Variants in METAP2 observed in about 807,000 individuals in gnomAD.
METAP2 encodes methionine aminopeptidase 2.
In METAP2, 25 loss-of-function variants were observed where a neutral mutation model predicts 59.4. That is an observed-to-expected ratio of 0.42 (90% CI 0.31 to 0.59). The LOEUF (loss-of-function observed/expected upper bound fraction) is 0.59, where lower values mean the gene tolerates loss of function less well. Among genes scored for constraint, METAP2 ranks in the 20% least tolerant of loss-of-function variants. The pLI is 0.16. For synonymous variants in METAP2, 214 were observed against 194.1 expected (o/e 1.10, Z -0.85); for missense variants, 366 against 581.2 (o/e 0.63, Z 3.81).
At position 95,512,435 on chromosome 12, in the gene METAP2, G is replaced by C. The variant is rs112186691; in HGVS notation, c.1069-366G>C. On this transcript the variant is annotated intron_variant, in intron 9 of 10. Transcript: ENST00000323666. Reference sequence around the variant, plus strand: ...GAGATGGTAATTGTAGGCCAGGCTCGGTAGCTCAGGCCTGTTAATCCCAGC... The same window carrying C: ...GAGATGGTAATTGTAGGCCAGGCTCCGTAGCTCAGGCCTGTTAATCCCAGC... 5.9e-4 allele frequency among the ~76,000 whole-genome samples: 90 copies of C among 152,224 alleles called. 2 individuals are homozygous for C. The East Asian group carries it at 0.015, about 26-fold the overall frequency.
chr12:95,508,042 A>G (rs1166921679), intron 8 of METAP2, among the ~76,000 whole-genome samples: 3 of 151,300 alleles, frequency 2.0e-5, no homozygotes, highest in African/African-American at 4.9e-5. Flanking sequence ...TCGGCCTCCC[A>G]AAGTCTGGGA....
In METAP2 at chr12:95,511,634, C is replaced by T. The variant is rs537725366; in HGVS notation, c.965-261C>T. Among the ~76,000 whole-genome samples, 40 of 152,198 alleles carry T rather than the reference C, an allele frequency of 2.6e-4. 1 individual carries two copies. The highest frequency in any genetic ancestry group is 2.8e-4 in the Non-Finnish European group (19 of 68,000). On this transcript the variant is annotated intron_variant, in intron 8 of 10. Coordinates refer to ENST00000323666, the MANE Select transcript of METAP2 (RefSeq NM_006838.4). ...CTCGAACTCCTGACCTCAGGTGATC[C>T]GCTTGCCTCGGCCTCCCAGAGTGCT...
Position 95,512,067 on chromosome 12 carries a change from G to A in METAP2, c.1068+69G>A, listed in dbSNP as rs1436762636. On this transcript the variant is annotated intron_variant, in intron 9 of 10. Transcript: ENST00000323666. Reference sequence around the variant, plus strand: ...TTCTTCCAAGCAGAAGGTCATGGTAGTTAAATATATGGTTATACTGACCAG... The same window carrying A: ...TTCTTCCAAGCAGAAGGTCATGGTAATTAAATATATGGTTATACTGACCAG... The A allele has an allele frequency of 7.3e-6, 8 of 1,099,330 alleles. No individual in the cohort carries two copies. In the East Asian group the frequency reaches 1.7e-4, roughly 24 times the overall value. 68.1% of individuals were successfully genotyped at this position (1,099,330 alleles called of 1,614,324 possible).
At chr12:95,481,210 C>T (rs766389152) in intron 2 of METAP2, among the ~76,000 whole-genome samples, 17 of 152,088 alleles carry the variant, frequency 1.1e-4, no homozygotes, top group Non-Finnish European at 1.3e-4. Flanking sequence ...AGATGCGATT[C>T]GAGACCAGTC....
chr12:95,512,162 G>A (rs572231782), intron 9 of METAP2, among the ~76,000 whole-genome samples, 164 bp downstream of exon 9: 52 of 152,168 alleles, frequency 3.4e-4, no homozygotes, highest in Non-Finnish European at 6.2e-4. Flanking sequence ...ATTGTGTATA[G>A]TCAGCACTAA....
intron 7 of METAP2, among the ~76,000 whole-genome samples, chr12:95,503,127 G>A (rs1004453445): frequency 6.6e-6 from 1 of 151,746 alleles, no homozygotes; most frequent in Non-Finnish European, 1.5e-5. Context: ...TATGCCTTGT[G>A]ACTTTATGTT....
chr12:95,483,916 TTTA>T (rs995441072), intron 3 of METAP2, among the ~76,000 whole-genome samples: 1 of 152,196 alleles, frequency 6.6e-6, no homozygotes, highest in Non-Finnish European at 1.5e-5. Flanking sequence ...ATGGTGAGAC[TTTA>T]TTATTAATAA....
intron 2 of METAP2, among the ~76,000 whole-genome samples, chr12:95,480,288 A>G (rs115571337): frequency 0.016 from 2,438 of 152,270 alleles, 63 homozygotes; most frequent in African/African-American, 0.056. Flanking sequence ...ATTGAACAAT[A>G]TTTGGGGTGT....
intron 4 of METAP2, 113 bp downstream of exon 4, chr12:95,486,094 A>G (rs2076194521): frequency 1.4e-6 from 1 of 738,382 alleles, no homozygotes. Context: ...ATGCTTATAA[A>G]TTTGTCATAA....
chr12:95,488,511 C>CAAAA lies in METAP2; in HGVS notation c.428+2555_428+2558dup, dbSNP rs537119415. ...GTGACAGAGCGAGACTTTGTCTCAC[C>CAAAA]AAAAAAAAAAAAAAAAAAAAAAAAA... On this transcript the variant is annotated intron_variant, in intron 4 of 10. Coordinates refer to ENST00000323666, the MANE Select transcript of METAP2 (RefSeq NM_006838.4). Among the ~76,000 whole-genome samples the CAAAA allele has an allele frequency of 5.6e-4, 43 of 76,556 alleles. 4 individuals carry two copies. Among genetic ancestry groups the CAAAA allele is most frequent in the African/African-American group, 1.8e-3 (35 of 19,898 alleles). The allele number at this position is 76,556 out of a possible 152,430, so 50.2% of individuals were successfully genotyped here. A position where few individuals can be genotyped will look rare whatever the true frequency, so the allele number is the denominator to read the frequency against.
intron 3 of METAP2, among the ~76,000 whole-genome samples, chr12:95,485,492 A>G (rs1009603815): frequency 3.3e-5 from 5 of 151,922 alleles, no homozygotes; most frequent in African/African-American, 1.2e-4. Context: ...TATTTTATTA[A>G]TATATATTAG....
chr12:95,498,020 C>A (rs1448127746), intron 7 of METAP2, among the ~76,000 whole-genome samples: 9 of 151,548 alleles, frequency 5.9e-5, no homozygotes, highest in Admixed American at 1.3e-4. Context: ...GTGGTCCCAG[C>A]TACTGAGGAG....
At chr12:95,498,612 T>C (rs2076293056) in intron 7 of METAP2, among the ~76,000 whole-genome samples, 1 of 152,128 alleles carries the variant, frequency 6.6e-6, no homozygotes, top group South Asian at 2.1e-4. Context: ...TTTTATATGG[T>C]GTTAAGTAAG....
chr12:95,514,033 AAAAG>A lies in METAP2; in HGVS notation c.*132_*135del, dbSNP rs1403449761. ...ATGTAATACTTTTATCCATGTTTAAAAAAGAAGGAATTTGGACAAAGGCAAACCG... is the reference window on the plus strand; with the variant it reads ...ATGTAATACTTTTATCCATGTTTAAAAAGGAATTTGGACAAAGGCAAACCG... On this transcript the variant is annotated 3_prime_UTR_variant, in exon 11 of 11. Transcript: ENST00000323666. 1.7e-6 allele frequency: 2 copies of A among 1,150,786 alleles called. No homozygotes were observed. The highest frequency in any genetic ancestry group is 2.4e-6 in the Non-Finnish European group (2 of 847,092). 71.3% of individuals were successfully genotyped at this position (1,150,786 alleles called of 1,614,324 possible). A position where few individuals can be genotyped will look rare whatever the true frequency, so the allele number is the denominator to read the frequency against.
Position 95,496,869 on chromosome 12 carries a change from G to C in METAP2, c.867+771G>C, listed in dbSNP as rs532931555. On this transcript the variant is annotated intron_variant, in intron 7 of 10. Coordinates refer to ENST00000323666, the MANE Select transcript of METAP2 (RefSeq NM_006838.4). ...AGATGGAGTCTTACTCTGTTGCCCA[G>C]GCTGGAGTGCAGTGGCACGATCTCG... is the stretch of plus-strand genomic sequence containing the variant. 6.0e-5 allele frequency among the ~76,000 whole-genome samples: 8 copies of C among 132,690 alleles called. No homozygotes were observed. In the South Asian group the frequency reaches 1.9e-3, roughly 32 times the overall value. The allele number at this position is 132,690 out of a possible 152,430, so 87.0% of individuals were successfully genotyped here.
intron 10 of METAP2, 130 bp from the exon 11 acceptor site, chr12:95,513,522 T>C: frequency 9.7e-7 from 1 of 1,028,254 alleles, no homozygotes; most frequent in Non-Finnish European, 1.4e-6. Context: ...TTTTGATTGT[T>C]GAAAGAGCAA....
chr12:95,506,743 G>T (rs1233430264), intron 8 of METAP2, among the ~76,000 whole-genome samples: 2 of 151,958 alleles, frequency 1.3e-5, no homozygotes, highest in Admixed American at 1.3e-4. Flanking sequence ...TTGATTTTCA[G>T]ATATTCTCTT....
rs1442259682 is a variant in METAP2 at position 95,501,056 on chromosome 12, G to A, written c.868-3009G>A. ...TGAGACAGGTCTCCCTTGTTACCCA[G>A]GCTGGAGTACAGTGGTATGAACACA... On this transcript the variant is annotated intron_variant, in intron 7 of 10. Transcript: ENST00000323666. Among the ~76,000 whole-genome samples the A allele has an allele frequency of 2.8e-5, 4 of 140,516 alleles. No homozygotes were observed. The Admixed American group carries it at 3.0e-4, about 11-fold the overall frequency. 92.2% of individuals were successfully genotyped at this position (140,516 alleles called of 152,430 possible). A position where few individuals can be genotyped will look rare whatever the true frequency, so the allele number is the denominator to read the frequency against.
intron 8 of METAP2, among the ~76,000 whole-genome samples, chr12:95,508,979 C>T (rs1049752234): frequency 6.6e-6 from 1 of 151,946 alleles, no homozygotes. Flanking sequence ...AAATGGATTC[C>T]GGGTTGAACT....
Sources: allele counts gnomAD v4.1 joint callset (sites outside exome capture counted in the v4.1 genomes callset), GRCh38; gene constraint gnomAD v4.1.1; transcripts MANE v1.5; gene names NCBI Gene and HGNC (gene_info 2026-07-23, HGNC 2026-07-21).